Variants in LPCAT2 observed in about 807,000 individuals in gnomAD.
The protein encoded by LPCAT2 is lysophosphatidylcholine acyltransferase 2.
A neutral mutation model predicts 64.7 loss-of-function variants in LPCAT2; 58 were observed. That is an observed-to-expected ratio of 0.90 (90% CI 0.73 to 1.12). LPCAT2 has a LOEUF of 1.12. Ranked by LOEUF, LPCAT2 falls within the 50% of genes most tolerant of loss-of-function variation. The pLI is 0.00. For synonymous variants in LPCAT2, 252 were observed against 245.3 expected, an observed-to-expected ratio of 1.03 and a Z score of -0.26; for missense variants, 579 against 669.8, an observed-to-expected ratio of 0.86 and a Z score of 1.50.
chr16:55,538,898 C>A (rs1386376932), intron 8 of LPCAT2: 1 of 152,022 alleles, frequency 6.6e-6, no homozygotes, highest in Admixed American at 6.5e-5. Context: ...ATAGAATACA[C>A]TTCAGGAAGC....
intron 8 of LPCAT2, chr16:55,539,949 A>G (rs961330303): frequency 6.6e-6 from 1 of 152,176 alleles, no homozygotes; most frequent in Admixed American, 6.6e-5. Context: ...ACTTTGAATG[A>G]ATTATCAAAG....
intron 8 of LPCAT2, among the ~76,000 whole-genome samples, chr16:55,537,902 A>G (rs1264667683): frequency 6.6e-6 from 1 of 152,190 alleles, no homozygotes; most frequent in Non-Finnish European, 1.5e-5. Context: ...ACCTCTGCCA[A>G]ATTGAATGAT....
At position 55,534,445 on chromosome 16, in the gene LPCAT2, T is replaced by C. The variant is rs767563019; in HGVS notation, c.765T>C (p.Asp255=). 5.9e-6 allele frequency: 9 copies of C among 1,530,118 alleles called. No individual in the cohort carries two copies. Among genetic ancestry groups the C allele is most frequent in the Admixed American group, 1.8e-5 (1 of 56,496 alleles). 94.8% of individuals were successfully genotyped at this position (1,530,118 alleles called of 1,614,324 possible). A position where few individuals can be genotyped will look rare whatever the true frequency, so the allele number is the denominator to read the frequency against. Reference sequence around the variant, plus strand: ...CTAAAATAATTTTGTTATTATAGGATACTGTGACCTGGACATGGCAAGGAT... The same window carrying C: ...CTAAAATAATTTTGTTATTATAGGACACTGTGACCTGGACATGGCAAGGAT... ...PVLLRYPNKL[D]TVTWTWQGYT... is the part of the protein sequence containing the mutation. Residue 255 remains aspartate, a splice_region_variant and synonymous_variant, in exon 7 of 14, where the codon GAT becomes GAC. Coordinates refer to ENST00000262134, the MANE Select transcript of LPCAT2 (RefSeq NM_017839.5).
At chr16:55,570,396 G>A (rs937386153) in intron 11 of LPCAT2, among the ~76,000 whole-genome samples, 10 of 152,068 alleles carry the variant, frequency 6.6e-5, no homozygotes, top group Non-Finnish European at 1.2e-4. Flanking sequence ...GCTGAGGTGG[G>A]CTGATTGCTT....
chr16:55,576,001 C>T (rs568781738), intron 12 of LPCAT2, among the ~76,000 whole-genome samples: 20 of 152,234 alleles, frequency 1.3e-4, no homozygotes, highest in Admixed American at 3.3e-4. Context: ...GGGGATTGTA[C>T]GTGTAATTAT....
chr16:55,582,506 AT>A (rs2142428386), intron 13 of LPCAT2, among the ~76,000 whole-genome samples: 2 of 152,088 alleles, frequency 1.3e-5, no homozygotes, highest in South Asian at 4.1e-4. Context: ...CTGTTTATTC[AT>A]TTTCATTGCC....
Position 55,525,490 on chromosome 16 carries a change from A to G in LPCAT2, c.172-18A>G. The G allele has an allele frequency of 6.3e-7, 1 of 1,596,042 alleles. No individual in the cohort carries two copies. The highest frequency in any genetic ancestry group is 8.5e-7 in the Non-Finnish European group (1 of 1,171,960). On this transcript the variant is annotated intron_variant, in intron 1 of 13. Coordinates refer to ENST00000262134, the MANE Select transcript of LPCAT2 (RefSeq NM_017839.5). ...AAATAATGTCCATTCATTTATTTTT[A>G]CCAACTTTGACTTTCAGATTGTCCT... is the stretch of plus-strand genomic sequence containing the variant.
At chr16:55,541,141 C>A (rs138475216) in intron 8 of LPCAT2, 1 of 152,018 alleles carries the variant, frequency 6.6e-6, no homozygotes, top group Non-Finnish European at 1.5e-5. Context: ...TAACTGAAAC[C>A]ACGGAAAGCA....
At chr16:55,561,573 GA>G (rs1178345452) in intron 11 of LPCAT2, among the ~76,000 whole-genome samples, 1 of 72,936 alleles carries the variant, frequency 1.4e-5, no homozygotes, top group African/African-American at 3.1e-5. Context: ...GAAAATAAAT[GA>G]GAAGAATTGG....
chr16:55,568,092 T>C (rs1443023367), intron 11 of LPCAT2, among the ~76,000 whole-genome samples: 1 of 152,220 alleles, frequency 6.6e-6, no homozygotes, highest in African/African-American at 2.4e-5. Flanking sequence ...TAGCATTTTT[T>C]TAAATGATGG....
chr16:55,585,856 T>G lies in LPCAT2; in HGVS notation c.*2758T>G, dbSNP rs796505264. The G allele has an allele frequency of 5.3e-5, 8 of 152,276 alleles. No individual in the cohort carries two copies. Among genetic ancestry groups the G allele is most frequent in the African/African-American group, 1.9e-4 (8 of 41,560 alleles). The allele number at this position is 152,276 out of a possible 1,614,324, so 9.4% of individuals were successfully genotyped here. A position where few individuals can be genotyped will look rare whatever the true frequency, so the allele number is the denominator to read the frequency against. ...CTCTTTGATTCCCAGAATCAAGAAC[T>G]CTCCCCTTCAGACTATTACCGAATG... On this transcript the variant is annotated 3_prime_UTR_variant, in exon 14 of 14. Transcript: ENST00000262134.
chr16:55,552,785 G>T (rs1387944184), intron 11 of LPCAT2, among the ~76,000 whole-genome samples: 3 of 152,176 alleles, frequency 2.0e-5, no homozygotes, highest in East Asian at 3.8e-4. Context: ...CCTTCAGCAA[G>T]TTGTAATCTT....
At chr16:55,550,095 A>G (rs1477208140) in intron 10 of LPCAT2, among the ~76,000 whole-genome samples, 3 of 152,186 alleles carry the variant, frequency 2.0e-5, no homozygotes, top group South Asian at 2.1e-4. Context: ...TTAAAGTATA[A>G]TATTTTGATA....
In LPCAT2 at chr16:55,514,818, T is replaced by C. The variant is rs117820216; in HGVS notation, c.171+5466T>C. ...ATGGTCCAATAACTAAAGGAAACCA[T>C]GTTTAAAGAGCTAAAAGAAAGTATG... On this transcript the variant is annotated intron_variant, in intron 1 of 13. Transcript: ENST00000262134. 2.7e-3 allele frequency among the ~76,000 whole-genome samples: 418 copies of C among 152,026 alleles called. 10 individuals carry two copies. In the South Asian group the frequency reaches 0.05, roughly 18 times the overall value.
intron 11 of LPCAT2, among the ~76,000 whole-genome samples, chr16:55,562,547 A>G (rs1963647897): frequency 6.6e-6 from 1 of 151,752 alleles, no homozygotes; most frequent in Admixed American, 6.6e-5. Context: ...AAACATATAT[A>G]TACAAATATA....
intron 8 of LPCAT2, chr16:55,539,607 G>A (rs1233211231): frequency 1.3e-5 from 2 of 152,088 alleles, no homozygotes; most frequent in Non-Finnish European, 2.9e-5. Context: ...AACTGAAAAT[G>A]TATCCCAGCA....
chr16:55,518,104 A>T (rs940861980), intron 1 of LPCAT2, among the ~76,000 whole-genome samples: 2 of 152,228 alleles, frequency 1.3e-5, no homozygotes, highest in Admixed American at 1.3e-4. Flanking sequence ...AGGTGGCAGG[A>T]TACAAGATCA....
chr16:55,543,486 A>G (rs1963419577), intron 8 of LPCAT2, among the ~76,000 whole-genome samples: 1 of 152,144 alleles, frequency 6.6e-6, no homozygotes, highest in South Asian at 2.1e-4. Flanking sequence ...TAAAAACTTT[A>G]ATTTCTTACA....
At chr16:55,514,380 C>T (rs910965617) in intron 1 of LPCAT2, among the ~76,000 whole-genome samples, 2 of 152,048 alleles carry the variant, frequency 1.3e-5, no homozygotes, top group African/African-American at 2.4e-5. Flanking sequence ...TATGATGTAC[C>T]CCAACATGTA....
Sources: gnomAD v4.1 joint callset for allele counts (sites outside exome capture counted in the v4.1 genomes callset) on GRCh38, gnomAD v4.1.1 for gene constraint, MANE v1.5 for transcripts, NCBI Gene and HGNC (gene_info 2026-07-23, HGNC 2026-07-21) for gene names.